GALNT13: variants seen among roughly 807,000 people sequenced by gnomAD.
GALNT13 encodes the protein polypeptide N-acetylgalactosaminyltransferase 13.
GALNT13 carries 28 observed loss-of-function variants against 64.2 expected under a neutral mutation model. The ratio of observed to expected loss-of-function variants is 0.44; its 90% CI spans 0.32 to 0.60. GALNT13 has a LOEUF of 0.60. GALNT13 is among the 20% of genes least tolerant of loss of function. The probability of loss-of-function intolerance (pLI) is 0.05; values close to 1 mark genes in which losing one functional copy is unlikely to be tolerated. For missense variants in GALNT13, 577 were observed against 669.8 expected (o/e 0.86, Z 1.53); for synonymous variants, 214 against 224.6 (o/e 0.95, Z 0.42).
At chr2:154,369,996 A>G (rs1697590570) in intron 9 of GALNT13, among the ~76,000 whole-genome samples, 1 of 152,170 alleles carries the variant, frequency 6.6e-6, no homozygotes, top group Non-Finnish European at 1.5e-5. Context: ...CTTAACATAC[A>G]TAATCCATTT....
At chr2:153,368,849 C>T in the GALNT13 span, among the ~76,000 whole-genome samples, 907 of 151,600 alleles carry the variant, frequency 6.0e-3, 6 homozygotes, top group African/African-American at 0.021. Context: ...GAGAACTTTC[C>T]ACCCAGAAAA....
At chr2:154,334,182 A>G (rs977204271) in intron 9 of GALNT13, among the ~76,000 whole-genome samples, 1 of 152,076 alleles carries the variant, frequency 6.6e-6, no homozygotes. Flanking sequence ...TAACAGAGAA[A>G]TACAATACTT....
At chr2:153,811,522 A>G in the GALNT13 span, among the ~76,000 whole-genome samples, 1 of 152,112 alleles carries the variant, frequency 6.6e-6, no homozygotes, top group Non-Finnish European at 1.5e-5. Flanking sequence ...ATTACTTTTT[A>G]CATGTATTTT....
chr2:153,085,726 G>T, the GALNT13 span, among the ~76,000 whole-genome samples: 2 of 152,166 alleles, frequency 1.3e-5, no homozygotes, highest in East Asian at 1.9e-4. Context: ...CTCTGCTGGG[G>T]CAGTACAGAA....
chr2:153,550,334 A>C, the GALNT13 span, among the ~76,000 whole-genome samples: 772 of 151,490 alleles, frequency 5.1e-3, 4 homozygotes, highest in African/African-American at 0.016. Context: ...TCCCGAGTTC[A>C]AGTGATTCTC....
At chr2:153,782,320 G>A in the GALNT13 span, among the ~76,000 whole-genome samples, 1 of 152,130 alleles carries the variant, frequency 6.6e-6, no homozygotes, top group African/African-American at 2.4e-5. Flanking sequence ...ACACAAGCTA[G>A]ATGATATAGC....
At chr2:154,183,930 T>A (rs2105737133) in intron 4 of GALNT13, among the ~76,000 whole-genome samples, 1 of 152,156 alleles carries the variant, frequency 6.6e-6, no homozygotes, top group Non-Finnish European at 1.5e-5. Flanking sequence ...ATTTGAAATT[T>A]TTCTTTATTC....
chr2:153,985,429 C>T lies in GALNT13; in HGVS notation c.142+40790C>T, dbSNP rs190427700. Among the ~76,000 whole-genome samples the T allele has an allele frequency of 8.6e-5, 13 of 151,998 alleles. 1 individual carries two copies. The East Asian group carries it at 2.5e-3, about 29-fold the overall frequency. ...ATTTCCTTCCTGTTCAGTTGTATTC[C>T]TCTTGTATATCAAGCTTTCCATTCT... is the stretch of plus-strand genomic sequence containing the variant. On this transcript the variant is annotated intron_variant, in intron 3 of 12. Coordinates refer to ENST00000392825, the MANE Select transcript of GALNT13 (RefSeq NM_052917.4).
At chr2:153,230,219 C>T in the GALNT13 span, among the ~76,000 whole-genome samples, 2 of 152,062 alleles carry the variant, frequency 1.3e-5, no homozygotes, top group African/African-American at 2.4e-5. Context: ...TCAAGAACTC[C>T]GTTGGAATTT....
intron 9 of GALNT13, among the ~76,000 whole-genome samples, chr2:154,377,900 G>T (rs118062219): frequency 6.6e-6 from 1 of 152,130 alleles, no homozygotes; most frequent in African/African-American, 2.4e-5. Context: ...CACAGAAAGA[G>T]TTTAGTGTTT....
Position 154,408,977 on chromosome 2 carries a change from C to G in GALNT13, c.1297-7C>G. 1 of 1,578,238 alleles carries G rather than the reference C, an allele frequency of 6.3e-7. No homozygotes were observed. The highest frequency in any genetic ancestry group is 8.7e-7 in the Non-Finnish European group (1 of 1,149,530). The stretch of plus-strand genomic sequence containing the variant: ...TTTATCCCCCCCCTTTTGTGTGTTT[C>G]CTTTAGATAAGAAATGTTGAAACCA... On this transcript the variant is annotated splice_region_variant and splice_polypyrimidine_tract_variant and intron_variant, in intron 10 of 12. Transcript: ENST00000392825.
chr2:154,239,979 C>T (rs538119260), intron 4 of GALNT13, among the ~76,000 whole-genome samples: 5 of 152,086 alleles, frequency 3.3e-5, no homozygotes, highest in Non-Finnish European at 5.9e-5. Context: ...CATGCATTAA[C>T]CCATTCATAA....
chr2:153,158,988 A>G, the GALNT13 span: 1 of 158,542 alleles, frequency 6.3e-6, no homozygotes, highest in Middle Eastern at 1.7e-3. Flanking sequence ...CCTCTCCCTG[A>G]AGAAGGCAGC....
chr2:153,201,206 C>T, the GALNT13 span, among the ~76,000 whole-genome samples: 3 of 152,170 alleles, frequency 2.0e-5, no homozygotes, highest in Admixed American at 2.0e-4. Flanking sequence ...GTTTTCTGTG[C>T]TAGCCCTGTA....
chr2:154,056,166 T>A (rs1378481010), intron 3 of GALNT13, among the ~76,000 whole-genome samples: 1 of 152,182 alleles, frequency 6.6e-6, no homozygotes, highest in Non-Finnish European at 1.5e-5. Flanking sequence ...CTCAGAAAGT[T>A]ATTTTTTTCT....
At chr2:153,498,046 G>A in the GALNT13 span, among the ~76,000 whole-genome samples, 2 of 152,326 alleles carry the variant, frequency 1.3e-5, no homozygotes, top group East Asian at 1.9e-4. Context: ...GTCGGGAAAT[G>A]TGCCTGGAGA....
intron 3 of GALNT13, among the ~76,000 whole-genome samples, chr2:154,110,802 C>T (rs745310924): frequency 1.3e-5 from 2 of 152,048 alleles, no homozygotes; most frequent in South Asian, 2.1e-4. Flanking sequence ...CACAAGTCCA[C>T]GCCTTCTCAA....
chr2:153,440,060 G>A, the GALNT13 span, among the ~76,000 whole-genome samples: 214 of 152,194 alleles, frequency 1.4e-3, 1 homozygote, highest in African/African-American at 4.7e-3. Context: ...CCATCAACCC[G>A]TCATCTACAT....
At chr2:153,785,837 C>T in the GALNT13 span, among the ~76,000 whole-genome samples, 2 of 152,150 alleles carry the variant, frequency 1.3e-5, no homozygotes, top group South Asian at 2.1e-4. Context: ...AGCCCTAGTC[C>T]TTGCTGTCTC....
Sources: allele counts gnomAD v4.1 joint callset (sites outside exome capture counted in the v4.1 genomes callset), GRCh38; gene constraint gnomAD v4.1.1; transcripts MANE v1.5; gene names NCBI Gene and HGNC (gene_info 2026-07-23, HGNC 2026-07-21).